The following ADCY8 variants were observed in gnomAD, a reference collection of about 807,000 sequenced individuals.
The protein encoded by ADCY8 is adenylate cyclase 8.
A neutral mutation model predicts 119.7 loss-of-function variants in ADCY8; 51 were observed. The ratio of observed to expected loss-of-function variants is 0.43; its 90% CI spans 0.34 to 0.54. The LOEUF (loss-of-function observed/expected upper bound fraction) is 0.54. ADCY8 is among the 20% of genes least tolerant of loss of function. The pLI is 0.03. For synonymous variants in ADCY8, 665 were observed against 651.0 expected, an observed-to-expected ratio of 1.02 and a Z score of -0.33; for missense variants, 1,383 against 1,598.8, an observed-to-expected ratio of 0.87 and a Z score of 2.30.
chr8:130,903,462 T>C (rs1201687981), intron 7 of ADCY8, among the ~76,000 whole-genome samples: 1 of 91,004 alleles, frequency 1.1e-5, no homozygotes, highest in Non-Finnish European at 2.5e-5. Flanking sequence ...CCAACATGAG[T>C]GGTTTTTTTT....
chr8:130,830,128 G>A (rs1214282347), intron 12 of ADCY8, among the ~76,000 whole-genome samples: 1 of 152,176 alleles, frequency 6.6e-6, no homozygotes, highest in African/African-American at 2.4e-5. Flanking sequence ...GGCAGATAGT[G>A]AGGGCATGGA....
chr8:130,866,875 T>C (rs1818142345), intron 9 of ADCY8, among the ~76,000 whole-genome samples: 2 of 152,218 alleles, frequency 1.3e-5, no homozygotes, highest in African/African-American at 2.4e-5. Context: ...AGTACTTTCC[T>C]GGCATGTATA....
At chr8:130,973,733 G>C (rs1477234324) in intron 2 of ADCY8, among the ~76,000 whole-genome samples, 1 of 152,204 alleles carries the variant, frequency 6.6e-6, no homozygotes. Context: ...CTAGGAAGGA[G>C]GGCTAACGGC....
rs139773890 is a variant in ADCY8, at chr8:130,869,038, G to A, written c.2110-1092C>T. On this transcript the variant is annotated intron_variant, in intron 8 of 17. Transcript: ENST00000286355. ...TTTTCTGACTTCTTGGGGTGGTCTG[G>A]GTTTTAGACTGAACCCCACTTCTTA... is the stretch of plus-strand genomic sequence containing the variant. Among the ~76,000 whole-genome samples, 83 of 152,244 alleles carry A rather than the reference G, an allele frequency of 5.5e-4. No homozygotes were observed. The East Asian group carries it at 0.012, about 23-fold the overall frequency.
chr8:130,853,973 G>GA (rs1817625405), intron 9 of ADCY8, among the ~76,000 whole-genome samples: 2 of 152,284 alleles, frequency 1.3e-5, no homozygotes, highest in East Asian at 3.9e-4. Flanking sequence ...AAAATTTAAA[G>GA]AAATGTTAGT....
At chr8:130,951,285 G>C (rs10956563) in intron 3 of ADCY8, among the ~76,000 whole-genome samples, 119,968 of 152,130 alleles carry the variant, frequency 0.79, 50,504 homozygotes, top group East Asian at 0.95. Context: ...CCTCACCATG[G>C]AGTTCACCCT....
chr8:130,979,809 G>GCCAGT (rs1474989268), intron 2 of ADCY8, among the ~76,000 whole-genome samples: 1 of 152,166 alleles, frequency 6.6e-6, no homozygotes, highest in Non-Finnish European at 1.5e-5. Context: ...CTATATCAGA[G>GCCAGT]CCAGTCACTG....
At chr8:130,921,605 C>T (rs750351319) in intron 5 of ADCY8, among the ~76,000 whole-genome samples, 1 of 151,934 alleles carries the variant, frequency 6.6e-6, no homozygotes, top group Admixed American at 6.6e-5. Flanking sequence ...AGGCACGCAC[C>T]ACCATGCCTG....
At chr8:131,004,422 G>A (rs992994089) in intron 1 of ADCY8, among the ~76,000 whole-genome samples, 1 of 152,130 alleles carries the variant, frequency 6.6e-6, no homozygotes, top group African/African-American at 2.4e-5. Flanking sequence ...CTCCTCATCT[G>A]TCTGACAATC....
chr8:130,985,407 G>A (rs1822373624), intron 2 of ADCY8, among the ~76,000 whole-genome samples: 1 of 152,114 alleles, frequency 6.6e-6, no homozygotes, highest in Admixed American at 6.5e-5. Context: ...GTAAGAAACA[G>A]TGAATATTTC....
intron 8 of ADCY8, among the ~76,000 whole-genome samples, chr8:130,876,784 G>C (rs1372451435): frequency 1.3e-5 from 2 of 152,086 alleles, no homozygotes; most frequent in Non-Finnish European, 2.9e-5. Flanking sequence ...GGTCTCTATG[G>C]TATATTTGCC....
At chr8:130,862,657 C>A (rs1367321106) in intron 9 of ADCY8, among the ~76,000 whole-genome samples, 2 of 152,216 alleles carry the variant, frequency 1.3e-5, no homozygotes, top group African/African-American at 4.8e-5. Context: ...TCGTGATCTG[C>A]CCGCCTCGGC....
chr8:131,027,522 G>A (rs558711042), intron 1 of ADCY8, among the ~76,000 whole-genome samples: 1 of 152,168 alleles, frequency 6.6e-6, no homozygotes, highest in Non-Finnish European at 1.5e-5. Flanking sequence ...TGGGGGTGGG[G>A]CTGCACTAGA....
chr8:130,916,807 A>G (rs554482667), intron 5 of ADCY8, among the ~76,000 whole-genome samples: 33 of 152,344 alleles, frequency 2.2e-4, no homozygotes, highest in Non-Finnish European at 5.9e-5. Context: ...ATCTATAGAA[A>G]CAATGCTAAT....
chr8:131,022,282 C>T (rs964477265), intron 1 of ADCY8, among the ~76,000 whole-genome samples: 1 of 152,152 alleles, frequency 6.6e-6, no homozygotes, highest in Non-Finnish European at 1.5e-5. Flanking sequence ...TACCCTCCAC[C>T]CCCAGGCAGG....
chr8:130,849,523 C>T, intron 10 of ADCY8, 79 bp downstream of exon 10: 1 of 1,444,116 alleles, frequency 6.9e-7, no homozygotes, highest in Non-Finnish European at 9.7e-7. Flanking sequence ...AAGGGTAATG[C>T]AGGAAGCTGC....
At chr8:130,838,849 A>G (rs1817064356) in intron 11 of ADCY8, among the ~76,000 whole-genome samples, 1 of 140,840 alleles carries the variant, frequency 7.1e-6, no homozygotes, top group African/African-American at 2.4e-5. Flanking sequence ...ACAAACAATA[A>G]TCATGGTGGA....
intron 2 of ADCY8, among the ~76,000 whole-genome samples, chr8:130,979,105 G>C (rs1047966307): frequency 1.3e-5 from 2 of 152,204 alleles, no homozygotes; most frequent in Non-Finnish European, 2.9e-5. Context: ...GGGTAGGAAA[G>C]GAGAAAGCTG....
intron 6 of ADCY8, among the ~76,000 whole-genome samples, chr8:130,904,607 T>C (rs1261265115): frequency 2.0e-5 from 3 of 152,168 alleles, no homozygotes; most frequent in Non-Finnish European, 4.4e-5. Flanking sequence ...GGAAAACCAC[T>C]GTAGGGTACA....
Sources: gnomAD v4.1 joint callset for allele counts (sites outside exome capture counted in the v4.1 genomes callset) on GRCh38, gnomAD v4.1.1 for gene constraint, MANE v1.5 for transcripts, NCBI Gene and HGNC (gene_info 2026-07-23, HGNC 2026-07-21) for gene names.